The following MCTP1 variants were observed in gnomAD, a reference collection of about 807,000 sequenced individuals.
The protein encoded by MCTP1 is multiple C2 and transmembrane domain containing 1, also known as multiple C2 and transmembrane domain-containing protein 1.
Under a neutral mutation model 120.6 loss-of-function variants are expected in MCTP1, and 69 were observed. That is an observed-to-expected ratio of 0.57 (90% confidence interval 0.47 to 0.70). MCTP1 has a LOEUF of 0.70. Among genes scored for constraint, MCTP1 ranks in the 30% least tolerant of loss-of-function variants. The probability of loss-of-function intolerance (pLI) is 0.00; values close to 1 mark genes in which losing one functional copy is unlikely to be tolerated. For synonymous variants in MCTP1, 529 were observed against 493.1 expected, an observed-to-expected ratio of 1.07 and a Z score of -0.96; for missense variants, 1,203 against 1,248.8, an observed-to-expected ratio of 0.96 and a Z score of 0.55.
At chr5:94,976,112 A>C (rs1828038539) in intron 2 of MCTP1, among the ~76,000 whole-genome samples, 1 of 152,202 alleles carries the variant, frequency 6.6e-6, no homozygotes, top group Non-Finnish European at 1.5e-5. Flanking sequence ...GATACTAAGT[A>C]CTTAATCTGA....
chr5:95,069,258 C>T (rs1430662813), intron 1 of MCTP1, among the ~76,000 whole-genome samples: 1 of 152,146 alleles, frequency 6.6e-6, no homozygotes, highest in Admixed American at 6.5e-5. Context: ...GTGAAATTGA[C>T]CATAAACTAT....
chr5:95,183,021 G>A (rs571680386), intron 1 of MCTP1, among the ~76,000 whole-genome samples: 1,358 of 117,322 alleles, frequency 0.012, 14 homozygotes, highest in Middle Eastern at 0.017. Context: ...GCAAGACTCC[G>A]TCTCAAAAAA....
intron 1 of MCTP1, among the ~76,000 whole-genome samples, chr5:95,161,146 G>A (rs1014160683): frequency 1.3e-5 from 2 of 152,132 alleles, no homozygotes; most frequent in Non-Finnish European, 2.9e-5. Context: ...GTACTTCCAT[G>A]TTCATTGCAC....
chr5:94,983,697 ATT>A (rs1168549877), intron 2 of MCTP1, among the ~76,000 whole-genome samples: 8 of 146,076 alleles, frequency 5.5e-5, no homozygotes, highest in Admixed American at 2.1e-4. Context: ...CTATCTATCT[ATT>A]GGTTTCAACT....
chr5:94,944,047 CT>C (rs1213803813), intron 3 of MCTP1, among the ~76,000 whole-genome samples: 1 of 151,076 alleles, frequency 6.6e-6, no homozygotes, highest in African/African-American at 2.4e-5. Context: ...CTTTTTTTTT[CT>C]TTTTATTTTT....
At position 95,254,656 on chromosome 5, in the gene MCTP1, A is replaced by C. The variant is rs565836513; in HGVS notation, c.720+29200T>G. On this transcript the variant is annotated intron_variant, in intron 1 of 22. Coordinates refer to ENST00000515393, the MANE Select transcript of MCTP1 (RefSeq NM_024717.7). ...GATACTATGTTAAGATGCTCAAAATAAAAGGTTAAGACAATAAAATAAATA... is the reference window on the plus strand; with the variant it reads ...GATACTATGTTAAGATGCTCAAAATCAAAGGTTAAGACAATAAAATAAATA... 3.9e-5 allele frequency among the ~76,000 whole-genome samples: 6 copies of C among 152,294 alleles called. No individual in the cohort carries two copies. The South Asian group carries it at 1.0e-3, about 26-fold the overall frequency.
intron 1 of MCTP1, among the ~76,000 whole-genome samples, chr5:95,180,039 G>GCTTT (rs1748433659): frequency 6.6e-6 from 1 of 152,092 alleles, no homozygotes; most frequent in Non-Finnish European, 1.5e-5. Flanking sequence ...CAGCAGTTAA[G>GCTTT]AAAGACAAAG....
rs557905110 is a variant in MCTP1, at chr5:95,009,944, G to A, written c.838+7423C>T. On this transcript the variant is annotated intron_variant, in intron 2 of 22. Transcript: ENST00000515393. Reference sequence around the variant, plus strand: ...GCTGAGCCACTTCAGTGCCCGTTACGTAGAAATGAGATTCTGGAGAAGTCC... The same window carrying A: ...GCTGAGCCACTTCAGTGCCCGTTACATAGAAATGAGATTCTGGAGAAGTCC... 1.1e-4 allele frequency among the ~76,000 whole-genome samples: 16 copies of A among 152,278 alleles called. 1 individual carries two copies. In the South Asian group the frequency reaches 3.3e-3, roughly 32 times the overall value.
At chr5:94,877,703 G>C (rs918685191) in intron 12 of MCTP1, 1 of 152,142 alleles carries the variant, frequency 6.6e-6, no homozygotes, top group African/African-American at 2.4e-5. Context: ...AGAACTGTGG[G>C]AAAGTCTGTA....
At chr5:95,270,930 T>TAAAAAAA (rs1554243497) in intron 1 of MCTP1, among the ~76,000 whole-genome samples, 1 of 31,690 alleles carries the variant, frequency 3.2e-5, no homozygotes, top group African/African-American at 1.6e-4. Flanking sequence ...ACTCTCTCTC[T>TAAAAAAA]CAAAAAAAAA....
chr5:94,952,171 CAAAAAAAAA>C (rs57358026), intron 3 of MCTP1, among the ~76,000 whole-genome samples: 16 of 87,878 alleles, frequency 1.8e-4, no homozygotes, highest in Non-Finnish European at 2.6e-4. Context: ...GACTTTGTCG[CAAAAAAAAA>C]AAAAAAAAAA....
At chr5:95,244,349 G>A (rs566424678) in intron 1 of MCTP1, among the ~76,000 whole-genome samples, 6 of 152,172 alleles carry the variant, frequency 3.9e-5, no homozygotes, top group Non-Finnish European at 7.3e-5. Context: ...TGCAGCCCAC[G>A]GAGGATGAGC....
intron 17 of MCTP1, chr5:94,826,615 C>T (rs1041753754): frequency 1.3e-6 from 1 of 784,672 alleles, no homozygotes; most frequent in Non-Finnish European, 2.2e-6. Context: ...TGATCTTCAG[C>T]TCTGCAAAAT....
At chr5:95,137,674 T>C (rs3906469) in intron 1 of MCTP1, among the ~76,000 whole-genome samples, 2,120 of 151,962 alleles carry the variant, frequency 0.014, 58 homozygotes, top group African/African-American at 0.048. Context: ...TAGTCTAATA[T>C]TGTTTTCCAT....
chr5:94,827,446 C>T (rs1787410416), intron 17 of MCTP1, among the ~76,000 whole-genome samples: 1 of 152,082 alleles, frequency 6.6e-6, no homozygotes, highest in Non-Finnish European at 1.5e-5. Context: ...AATTATGTGT[C>T]TTGGGGTTGC....
rs188292048 is a variant in MCTP1, at chr5:94,743,523, G to A, written c.2611-28637C>T. Among the ~76,000 whole-genome samples the A allele has an allele frequency of 8.8e-3, 1,345 of 152,242 alleles. 14 individuals carry two copies. The highest frequency in any genetic ancestry group is 0.026 in the South Asian group (125 of 4,832). On this transcript the variant is annotated intron_variant, in intron 19 of 22. Coordinates refer to ENST00000515393, the MANE Select transcript of MCTP1 (RefSeq NM_024717.7). ...AACGCCTGCACAGGCCAGGCTGGGT[G>A]AGAGCATGGGGCCCATGGAGAGGGC...
chr5:94,928,831 C>A (rs1813811939), intron 6 of MCTP1, among the ~76,000 whole-genome samples: 1 of 152,004 alleles, frequency 6.6e-6, no homozygotes, highest in Non-Finnish European at 1.5e-5. Context: ...AATTACCCGC[C>A]CCCCACCTCC....
intron 4 of MCTP1, among the ~76,000 whole-genome samples, chr5:94,940,517 C>G (rs1480497740): frequency 6.8e-6 from 1 of 146,980 alleles, no homozygotes; most frequent in African/African-American, 2.5e-5. Context: ...TAGCGCCATA[C>G]ATATACACAA....
chr5:95,147,741 G>A (rs1274277480), intron 1 of MCTP1, among the ~76,000 whole-genome samples: 2 of 152,108 alleles, frequency 1.3e-5, no homozygotes, highest in Admixed American at 6.5e-5. Context: ...TACTCTCATT[G>A]TGTTGTTAAC....
Sources: allele counts gnomAD v4.1 joint callset (sites outside exome capture counted in the v4.1 genomes callset), GRCh38; gene constraint gnomAD v4.1.1; transcripts MANE v1.5; gene names NCBI Gene and HGNC (gene_info 2026-07-23, HGNC 2026-07-21).